CLIP2: variants seen among roughly 807,000 people sequenced by gnomAD.
CLIP2 encodes CAP-Gly domain-containing linker protein 2.
Under a neutral mutation model 111.7 loss-of-function variants are expected in CLIP2, and 41 were observed. The observed-to-expected ratio is 0.37, with a 90% CI of 0.29 to 0.48. The LOEUF (loss-of-function observed/expected upper bound fraction) is 0.48. Ranked by LOEUF, CLIP2 falls within the 20% of genes least tolerant of loss-of-function variation. CLIP2 has a pLI of 0.99. For missense variants in CLIP2, 1,160 were observed against 1,422.1 expected (o/e 0.82, Z 2.96); for synonymous variants, 660 against 644.2 (o/e 1.02, Z -0.37).
chr7:74,325,046 G>C lies in CLIP2; in HGVS notation c.121+7379G>C, dbSNP rs978070611. ...AGGCCGGGGCCTGGCAGTGGTTTGTGGGGAGGGGAGCACGCTGGAGTCTGC... is the reference window on the plus strand; with the variant it reads ...AGGCCGGGGCCTGGCAGTGGTTTGTCGGGAGGGGAGCACGCTGGAGTCTGC... On this transcript the variant is annotated intron_variant, in intron 2 of 16. Transcript: ENST00000223398. Among the ~76,000 whole-genome samples the C allele has an allele frequency of 2.0e-5, 3 of 152,176 alleles. No individual in the cohort carries two copies. In the East Asian group the frequency reaches 5.8e-4, roughly 29 times the overall value.
chr7:74,369,437 G>T (rs986392345), intron 8 of CLIP2, among the ~76,000 whole-genome samples: 3 of 152,254 alleles, frequency 2.0e-5, no homozygotes, highest in East Asian at 3.9e-4. Flanking sequence ...CAGCTACTTG[G>T]GGGGCTGAGG....
chr7:74,305,525 A>T (rs2116469497), intron 1 of CLIP2, among the ~76,000 whole-genome samples: 1 of 151,926 alleles, frequency 6.6e-6, no homozygotes, highest in East Asian at 1.9e-4. Flanking sequence ...ACGGAGTCTC[A>T]CTTTGTCGCC....
chr7:74,396,181 C>A (rs996944984), intron 13 of CLIP2, among the ~76,000 whole-genome samples: 1 of 152,284 alleles, frequency 6.6e-6, no homozygotes, highest in South Asian at 2.1e-4. Context: ...GCCTCAGAAC[C>A]ATTATCATCA....
At chr7:74,295,871 C>T (rs1554726017) in intron 1 of CLIP2, among the ~76,000 whole-genome samples, 1 of 150,738 alleles carries the variant, frequency 6.6e-6, no homozygotes, top group East Asian at 2.1e-4. Flanking sequence ...TGGGTGTGGT[C>T]CCAGCTACTC....
intron 7 of CLIP2, among the ~76,000 whole-genome samples, chr7:74,360,802 C>T (rs925723923): frequency 2.0e-5 from 3 of 152,140 alleles, no homozygotes; most frequent in African/African-American, 4.8e-5. Context: ...TCACCCGCCT[C>T]GGCCTCCCAA....
At chr7:74,378,009 A>G (rs1245090139) in intron 10 of CLIP2, among the ~76,000 whole-genome samples, 1 of 152,100 alleles carries the variant, frequency 6.6e-6, no homozygotes, top group African/African-American at 2.4e-5. Context: ...TATTTTTAGT[A>G]GAGGTGGGGT....
At chr7:74,350,951 AGAAAGGAAGGAAGGGAAG>A (rs1422253910) in intron 3 of CLIP2, among the ~76,000 whole-genome samples, 60 of 148,524 alleles carry the variant, frequency 4.0e-4, no homozygotes, top group African/African-American at 1.3e-3. Flanking sequence ...AGGAAGGGAA[AGAAAGGAAGGAAGGGAAG>A]GAAAGGAAGG....
At position 74,353,939 on chromosome 7, in the gene CLIP2, C is replaced by T; in HGVS notation, c.738C>T (p.Gly246=). 4 of 1,614,022 alleles carry T rather than the reference C, an allele frequency of 2.5e-6. No individual in the cohort carries two copies. The highest frequency in any genetic ancestry group is 3.4e-6 in the Non-Finnish European group (4 of 1,179,982). Residue 246 remains glycine, a synonymous_variant, in exon 4 of 17, where the codon GGC becomes GGT. Transcript: ENST00000223398. ...RYVGETDFAK[G]EWCGVELDEP... is the part of the protein sequence containing the mutation. ...TGGGGGAGACAGACTTTGCCAAGGG[C>T]GAGTGGTGTGGCGTGGAGCTGGACG...
chr7:74,397,320 G>T (rs1791484274), intron 14 of CLIP2, 87 bp downstream of exon 14: 2 of 1,380,062 alleles, frequency 1.4e-6, no homozygotes, highest in South Asian at 2.6e-5. Context: ...GGAGACTGGA[G>T]ACCTCCTGGA....
intron 11 of CLIP2, chr7:74,381,134 T>C (rs957524022): frequency 1.2e-5 from 3 of 253,750 alleles, no homozygotes; most frequent in Admixed American, 5.3e-5. Flanking sequence ...TCAAACCTTA[T>C]TATTTGTTTG....
chr7:74,390,213 GAAAGAAAGA>G (rs1562726958), intron 13 of CLIP2, among the ~76,000 whole-genome samples: 25 of 96,100 alleles, frequency 2.6e-4, no homozygotes, highest in African/African-American at 3.8e-4. Context: ...AAGAAAGAAA[GAAAGAAAGA>G]AAGGATTAAT....
chr7:74,401,788 G>T, intron 16 of CLIP2: 1 of 666,120 alleles, frequency 1.5e-6, no homozygotes, highest in Non-Finnish European at 2.7e-6. Context: ...GTTATAGGTT[G>T]GGCGCAGTGG....
chr7:74,353,520 G>A (rs557271316), intron 3 of CLIP2, among the ~76,000 whole-genome samples: 1 of 152,190 alleles, frequency 6.6e-6, no homozygotes, highest in African/African-American at 2.4e-5. Flanking sequence ...CAAAGTGCTG[G>A]GATTACAGGC....
At chr7:74,375,833 A>G (rs1584374025) in intron 9 of CLIP2, 54 bp from the exon 10 acceptor site, 17 of 1,428,674 alleles carry the variant, frequency 1.2e-5, no homozygotes, top group Middle Eastern at 5.0e-4. Context: ...TGCCCTCCTT[A>G]CCTTCCAGCC....
chr7:74,346,814 G>A (rs1019665275), intron 3 of CLIP2, among the ~76,000 whole-genome samples: 6 of 151,054 alleles, frequency 4.0e-5, no homozygotes, highest in Non-Finnish European at 8.8e-5. Flanking sequence ...TGGGAGGATT[G>A]CTTGAGCCCA....
intron 1 of CLIP2, among the ~76,000 whole-genome samples, chr7:74,311,325 A>G (rs1287646229): frequency 6.6e-6 from 1 of 152,152 alleles, no homozygotes; most frequent in Non-Finnish European, 1.5e-5. Flanking sequence ...TTCCGAAGTG[A>G]TTGTACCATT....
At chr7:74,314,764 G>A (rs1207105759) in intron 1 of CLIP2, among the ~76,000 whole-genome samples, 1 of 152,216 alleles carries the variant, frequency 6.6e-6, no homozygotes, top group Non-Finnish European at 1.5e-5. Context: ...GAGCCTTCTG[G>A]AAACATTGGG....
intron 1 of CLIP2, among the ~76,000 whole-genome samples, chr7:74,291,656 C>T (rs1343165601): frequency 6.6e-6 from 1 of 152,202 alleles, no homozygotes; most frequent in Non-Finnish European, 1.5e-5. Flanking sequence ...CACTCACACA[C>T]GTTTCAGGGA....
chr7:74,376,843 C>T lies in CLIP2; in HGVS notation c.2421+21C>T. ...CCCACGTAGGCGCCTGCCCCTCCTG[C>T]TGGGGCGGGAGGGTCGGGCTGGGGA... On this transcript the variant is annotated intron_variant, in intron 10 of 16. Coordinates refer to ENST00000223398, the MANE Select transcript of CLIP2 (RefSeq NM_003388.5). The surrounding 1 kb of genome is among the most constrained non-coding windows in gnomAD (Gnocchi z 7.1). The T allele has an allele frequency of 1.9e-6, 3 of 1,543,938 alleles. No individual in the cohort carries two copies. The South Asian group carries it at 3.7e-5, about 19-fold the overall frequency.
Sources: allele counts gnomAD v4.1 joint callset (sites outside exome capture counted in the v4.1 genomes callset), GRCh38; gene constraint gnomAD v4.1.1; non-coding constraint Gnocchi (gnomAD v3.1); transcripts MANE v1.5; gene names NCBI Gene and HGNC (gene_info 2026-07-23, HGNC 2026-07-21).